The following KIAA0825 variants were observed in gnomAD, a reference collection of about 807,000 sequenced individuals.
The protein encoded by KIAA0825 is uncharacterized protein KIAA0825.
A neutral mutation model predicts 147.6 loss-of-function variants in KIAA0825; 119 were observed. That is an observed-to-expected ratio of 0.81 (90% confidence interval 0.69 to 0.94). The LOEUF is 0.94. Ranked by LOEUF, KIAA0825 falls within the 40% of genes least tolerant of loss-of-function variation. The pLI is 0.00. For synonymous variants in KIAA0825, 470 were observed against 518.1 expected (o/e 0.91, Z 1.26); for missense variants, 1,381 against 1,472.7 (o/e 0.94, Z 1.02).
At chr5:94,527,422 T>C (rs573514323) in intron 3 of KIAA0825, among the ~76,000 whole-genome samples, 1 of 152,150 alleles carries the variant, frequency 6.6e-6, no homozygotes, top group East Asian at 1.9e-4. Flanking sequence ...AAAAAGTATG[T>C]TCCATTGGTA....
At chr5:94,422,280 A>G (rs907603045) in intron 14 of KIAA0825, among the ~76,000 whole-genome samples, 8 of 152,156 alleles carry the variant, frequency 5.3e-5, no homozygotes, top group African/African-American at 1.7e-4. Context: ...GAAGAAAGAA[A>G]TGTCCTCCTC....
intron 1 of KIAA0825, among the ~76,000 whole-genome samples, chr5:94,614,404 T>A (rs1381413096): frequency 2.0e-5 from 3 of 152,166 alleles, no homozygotes; most frequent in Non-Finnish European, 4.4e-5. Context: ...AACTCCATCC[T>A]CCACCCCATC....
At chr5:94,198,959 C>T (rs951937455) in intron 20 of KIAA0825, among the ~76,000 whole-genome samples, 1 of 152,130 alleles carries the variant, frequency 6.6e-6, no homozygotes, top group Non-Finnish European at 1.5e-5. Flanking sequence ...GATCATTTTA[C>T]TCTTTTCCTT....
intron 20 of KIAA0825, among the ~76,000 whole-genome samples, chr5:94,356,132 C>G (rs1446399838): frequency 6.6e-6 from 1 of 152,122 alleles, no homozygotes. Flanking sequence ...TCTATTTCCT[C>G]TGCTTGATGA....
At chr5:94,476,868 T>C (rs1375869479) in intron 7 of KIAA0825, among the ~76,000 whole-genome samples, 2 of 152,100 alleles carry the variant, frequency 1.3e-5, no homozygotes, top group Non-Finnish European at 2.9e-5. Context: ...GTCAGGATAA[T>C]AACAAAGATC....
intron 6 of KIAA0825, among the ~76,000 whole-genome samples, chr5:94,484,356 T>C (rs1762806908): frequency 6.6e-6 from 1 of 151,752 alleles, no homozygotes; most frequent in South Asian, 2.1e-4. Context: ...AATGTAGTCC[T>C]ACATCATTAT....
At position 94,417,194 on chromosome 5, in the gene KIAA0825, C is replaced by G. The variant is rs1753584732; in HGVS notation, c.2662+7G>C. 3.9e-6 allele frequency: 6 copies of G among 1,549,280 alleles called. No individual in the cohort carries two copies. The highest frequency in any genetic ancestry group is 1.4e-5 in the African/African-American group (1 of 72,992). On this transcript the variant is annotated splice_region_variant and intron_variant, in intron 15 of 20. Transcript: ENST00000682413. ...CATTTCTTTTACAAACAGTAAATGT[C>G]TCATACCTGGGATGTTATATAAAAA...
At chr5:94,537,210 T>C in intron 2 of KIAA0825, 83 bp from the exon 3 acceptor site, 1 of 1,096,310 alleles carries the variant, frequency 9.1e-7, no homozygotes, top group Middle Eastern at 2.1e-4. Context: ...TCACCTCAAG[T>C]TGTGATACTA....
chr5:94,565,094 C>CTTTTTTTTTTTT (rs1285299381), intron 2 of KIAA0825, among the ~76,000 whole-genome samples: 1 of 51,908 alleles, frequency 1.9e-5, no homozygotes, highest in African/African-American at 9.4e-5. Flanking sequence ...TTCTTGCTTT[C>CTTTTTTTTTTTT]CTTTTTTTTT....
intron 13 of KIAA0825, among the ~76,000 whole-genome samples, chr5:94,447,979 A>G (rs377511402): frequency 5.5e-4 from 84 of 152,178 alleles, no homozygotes; most frequent in African/African-American, 1.9e-3. Flanking sequence ...TAGCTAAGGA[A>G]GACCTGAAAA....
chr5:94,528,879 A>G (rs1769934046), intron 3 of KIAA0825, among the ~76,000 whole-genome samples: 1 of 151,740 alleles, frequency 6.6e-6, no homozygotes, highest in Non-Finnish European at 1.5e-5. Context: ...AAAACCATAC[A>G]AACTGAAATT....
chr5:94,403,537 G>A (rs1173792217), intron 16 of KIAA0825, 32 bp downstream of exon 16: 3 of 1,509,814 alleles, frequency 2.0e-6, no homozygotes, highest in Non-Finnish European at 2.7e-6. Flanking sequence ...TTCTTCAGGT[G>A]TATTTTCTTA....
chr5:94,599,535 A>G (rs1428266930), intron 1 of KIAA0825, among the ~76,000 whole-genome samples: 2 of 152,130 alleles, frequency 1.3e-5, no homozygotes, highest in African/African-American at 2.4e-5. Context: ...AAAAACTTTA[A>G]GAACTAAAAT....
chr5:94,369,709 A>T (rs1025823630), intron 20 of KIAA0825, among the ~76,000 whole-genome samples: 10 of 152,218 alleles, frequency 6.6e-5, no homozygotes, highest in Non-Finnish European at 1.2e-4. Context: ...CACAATATTG[A>T]TGTGGCCTAC....
intron 20 of KIAA0825, among the ~76,000 whole-genome samples, chr5:94,196,757 A>G (rs1771171747): frequency 6.6e-6 from 1 of 152,208 alleles, no homozygotes; most frequent in Non-Finnish European, 1.5e-5. Context: ...ACTTAGGATA[A>G]TGGCCTCCAG....
intron 5 of KIAA0825, among the ~76,000 whole-genome samples, chr5:94,507,362 T>C (rs1008209377): frequency 1.3e-5 from 2 of 152,052 alleles, no homozygotes; most frequent in Admixed American, 6.6e-5. Flanking sequence ...GCCAGGAGAA[T>C]GAATCCCTTG....
intron 15 of KIAA0825, 52 bp from the exon 16 acceptor site, chr5:94,403,845 T>A: frequency 1.4e-6 from 2 of 1,423,046 alleles, no homozygotes; most frequent in Non-Finnish European, 1.9e-6. Flanking sequence ...AAATCAGTTG[T>A]GCCTTGCTCA....
rs1186213787 is a variant in KIAA0825 at position 94,533,923 on chromosome 5, T to A, written c.131+3073A>T. ...GTTCAGTGACCTTTGGGCACACTGGTCCATTCGGGTGAATCACTGCTTTGG... is the reference window on the plus strand; with the variant it reads ...GTTCAGTGACCTTTGGGCACACTGGACCATTCGGGTGAATCACTGCTTTGG... On this transcript the variant is annotated intron_variant, in intron 3 of 20. Transcript: ENST00000682413. Among the ~76,000 whole-genome samples, 7 of 152,298 alleles carry A rather than the reference T, an allele frequency of 4.6e-5. No individual in the cohort carries two copies. The South Asian group carries it at 1.4e-3, about 32-fold the overall frequency.
chr5:94,491,777 C>T (rs554988409), intron 5 of KIAA0825, among the ~76,000 whole-genome samples: 95 of 152,288 alleles, frequency 6.2e-4, no homozygotes, highest in Admixed American at 1.6e-3. Context: ...TTTCTTACTT[C>T]TCATCTCTTT....
Sources: gnomAD v4.1 joint callset for allele counts (sites outside exome capture counted in the v4.1 genomes callset) on GRCh38, gnomAD v4.1.1 for gene constraint, MANE v1.5 for transcripts, NCBI Gene and HGNC (gene_info 2026-07-23, HGNC 2026-07-21) for gene names.